The following PLCB4 variants were observed in gnomAD, a reference collection of about 807,000 sequenced individuals.
PLCB4 encodes 1-phosphatidylinositol 4,5-bisphosphate phosphodiesterase beta-4.
PLCB4 carries 77 observed loss-of-function variants against 178.8 expected under a neutral mutation model. That is an observed-to-expected ratio of 0.43 (90% CI 0.36 to 0.52). PLCB4 has a LOEUF of 0.52. Ranked by LOEUF, PLCB4 falls within the 20% of genes least tolerant of loss-of-function variation. The pLI is 0.00. For synonymous variants in PLCB4, 496 were observed against 490.8 expected (o/e 1.01, Z -0.14); for missense variants, 1,024 against 1,453.4 (o/e 0.70, Z 4.80).
intron 2 of PLCB4, among the ~76,000 whole-genome samples, chr20:9,163,220 GT>G (rs2092917649): frequency 6.6e-6 from 1 of 152,140 alleles, no homozygotes; most frequent in South Asian, 2.1e-4. Flanking sequence ...AGGAACTTGA[GT>G]AAACATGTCG....
At position 9,480,627 on chromosome 20, in the gene PLCB4, T is replaced by C. The variant is rs2044811295; in HGVS notation, c.*1618T>C. ...ATGATGCAAAACATGCAGATTCTAGTTGACTTCAGTTGTAATAGACTTGTT... is the reference window on the plus strand; with the variant it reads ...ATGATGCAAAACATGCAGATTCTAGCTGACTTCAGTTGTAATAGACTTGTT... On this transcript the variant is annotated 3_prime_UTR_variant, in exon 40 of 40. Coordinates refer to ENST00000378473, the MANE Select transcript of PLCB4 (RefSeq NM_001377142.1). The C allele has an allele frequency of 6.6e-6, 1 of 152,198 alleles. No homozygotes were observed. Among genetic ancestry groups the C allele is most frequent in the Admixed American group, 6.5e-5 (1 of 15,272 alleles). The allele number at this position is 152,198 out of a possible 1,614,324, so 9.4% of individuals were successfully genotyped here.
intron 3 of PLCB4, among the ~76,000 whole-genome samples, chr20:9,229,635 C>T (rs1342124624): frequency 6.6e-6 from 1 of 151,630 alleles, no homozygotes; most frequent in Non-Finnish European, 1.5e-5. Flanking sequence ...TTATTTGGTA[C>T]CTTTTAATAC....
rs368203649 is a variant in PLCB4 at position 9,374,925 on chromosome 20, C to CT, written c.744+1829dup. On this transcript the variant is annotated intron_variant, in intron 12 of 39. Coordinates refer to ENST00000378473, the MANE Select transcript of PLCB4 (RefSeq NM_001377142.1). ...CACAATTACAGTAGACAATAGTATT[C>CT]TTTTTTTTAATAGTGTTTCCTTCTA... Among the ~76,000 whole-genome samples the CT allele has an allele frequency of 3.3e-3, 502 of 151,954 alleles. 3 individuals carry two copies. The highest frequency in any genetic ancestry group is 0.01 in the African/African-American group (432 of 41,452).
intron 1 of PLCB4, among the ~76,000 whole-genome samples, chr20:9,080,260 G>A (rs1419825649): frequency 9.9e-5 from 15 of 152,122 alleles, no homozygotes; most frequent in Admixed American, 9.8e-4. Flanking sequence ...GAAAGGTGAA[G>A]TCTGCTCTTT....
rs956985186 is a variant in PLCB4, at chr20:9,480,471, C to T, written c.*1462C>T. The T allele has an allele frequency of 6.6e-6, 1 of 152,576 alleles. No individual in the cohort carries two copies. Among genetic ancestry groups the T allele is most frequent in the Non-Finnish European group, 1.5e-5 (1 of 68,040 alleles). 9.5% of individuals were successfully genotyped at this position (152,576 alleles called of 1,614,324 possible). A position where few individuals can be genotyped will look rare whatever the true frequency, so the allele number is the denominator to read the frequency against. On this transcript the variant is annotated 3_prime_UTR_variant, in exon 40 of 40. Coordinates refer to ENST00000378473, the MANE Select transcript of PLCB4 (RefSeq NM_001377142.1). ...ACTTCTCTAATAAAAAATTAAAACA[C>T]GCATAACACTCGTCAAGAGTATTTG... is the stretch of plus-strand genomic sequence containing the variant.
chr20:9,282,987 T>C (rs1367635830), intron 3 of PLCB4, among the ~76,000 whole-genome samples: 1 of 152,042 alleles, frequency 6.6e-6, no homozygotes, highest in Non-Finnish European at 1.5e-5. Flanking sequence ...GCAAGTCACA[T>C]GTCTAAAACC....
chr20:9,279,809 T>G (rs950041322), intron 3 of PLCB4, among the ~76,000 whole-genome samples: 6 of 152,220 alleles, frequency 3.9e-5, no homozygotes, highest in Admixed American at 6.5e-5. Context: ...TTTCTGTGCC[T>G]CTTTTTGAGT....
intron 2 of PLCB4, among the ~76,000 whole-genome samples, chr20:9,138,009 CG>C (rs2092417732): frequency 6.6e-6 from 1 of 151,980 alleles, no homozygotes; most frequent in Non-Finnish European, 1.5e-5. Flanking sequence ...GAGAATTTTA[CG>C]TGCATATAAA....
At chr20:9,412,948 G>A (rs1486101522) in intron 25 of PLCB4, among the ~76,000 whole-genome samples, 6 of 152,122 alleles carry the variant, frequency 3.9e-5, no homozygotes, top group South Asian at 4.1e-4. Flanking sequence ...AACAGTTTAC[G>A]ACAGCTCAGT....
At chr20:9,443,485 C>T (rs909599814) in intron 30 of PLCB4, among the ~76,000 whole-genome samples, 4 of 152,176 alleles carry the variant, frequency 2.6e-5, no homozygotes, top group Non-Finnish European at 4.4e-5. Flanking sequence ...GCCCTGGGAC[C>T]ATGAGAGTTC....
At chr20:9,416,598 T>C (rs975033131) in intron 25 of PLCB4, among the ~76,000 whole-genome samples, 1 of 152,202 alleles carries the variant, frequency 6.6e-6, no homozygotes, top group Non-Finnish European at 1.5e-5. Flanking sequence ...CTTTCCATCC[T>C]GATTCTTTAC....
At chr20:9,086,676 G>A (rs988328834) in intron 1 of PLCB4, among the ~76,000 whole-genome samples, 2 of 152,094 alleles carry the variant, frequency 1.3e-5, no homozygotes, top group Non-Finnish European at 2.9e-5. Flanking sequence ...CCAAGGCTGT[G>A]TTTGCCTAGC....
intron 1 of PLCB4, among the ~76,000 whole-genome samples, chr20:9,076,778 C>T (rs1296506245): frequency 6.6e-6 from 1 of 152,122 alleles, no homozygotes; most frequent in African/African-American, 2.4e-5. Context: ...TCATATCTGC[C>T]AAGATGCTAT....
chr20:9,338,201 C>T, intron 6 of PLCB4, 134 bp downstream of exon 6: 2 of 647,926 alleles, frequency 3.1e-6, no homozygotes, highest in Non-Finnish European at 2.8e-6. Flanking sequence ...TTGAGAATAG[C>T]ATGTGGTTGC....
intron 3 of PLCB4, among the ~76,000 whole-genome samples, chr20:9,258,308 G>A (rs2094258277): frequency 6.6e-6 from 1 of 152,122 alleles, no homozygotes; most frequent in Admixed American, 6.6e-5. Context: ...ATAAGAAAAA[G>A]AATTTGAGTG....
intron 2 of PLCB4, among the ~76,000 whole-genome samples, chr20:9,181,378 A>G (rs1289697569): frequency 6.6e-6 from 1 of 152,172 alleles, no homozygotes; most frequent in Non-Finnish European, 1.5e-5. Flanking sequence ...TAGCAATCAA[A>G]AGTGTTTCCT....
intron 2 of PLCB4, among the ~76,000 whole-genome samples, chr20:9,206,299 CTTTTTTTTTTTTTTT>C (rs71184138): frequency 3.1e-5 from 3 of 96,100 alleles, no homozygotes; most frequent in Non-Finnish European, 4.1e-5. Flanking sequence ...TTTCTTTTTT[CTTTTTTTTTTTTTTT>C]TTTTTTTTGG....
intron 12 of PLCB4, among the ~76,000 whole-genome samples, chr20:9,373,847 A>C (rs150272804): frequency 1.2e-4 from 19 of 152,322 alleles, no homozygotes; most frequent in Non-Finnish European, 2.6e-4. Flanking sequence ...CACACATACA[A>C]AAAAAGTTTT....
rs111735662 is a variant in PLCB4 at position 9,187,309 on chromosome 20, C to A, written c.-78-30081C>A. Among the ~76,000 whole-genome samples the A allele has an allele frequency of 5.7e-3, 874 of 152,232 alleles. 6 individuals carry two copies. Among genetic ancestry groups the A allele is most frequent in the Non-Finnish European group, 0.01 (712 of 68,006 alleles). ...TTTAAAACACAGCCATGCCTCCACC[C>A]ACTGCCGTGCTCTCTCTTCAAGAAA... On this transcript the variant is annotated intron_variant, in intron 2 of 39. Transcript: ENST00000378473.
Sources: allele counts gnomAD v4.1 joint callset (sites outside exome capture counted in the v4.1 genomes callset), GRCh38; gene constraint gnomAD v4.1.1; transcripts MANE v1.5; gene names NCBI Gene and HGNC (gene_info 2026-07-23, HGNC 2026-07-21).